The following VIPR1 variants were observed in gnomAD, a reference collection of about 807,000 sequenced individuals.
VIPR1 encodes the protein vasoactive intestinal polypeptide receptor 1.
In VIPR1, 59 loss-of-function variants were observed where a neutral mutation model predicts 58.8. The ratio of observed to expected loss-of-function variants is 1.00; its 90% CI spans 0.81 to 1.25. The LOEUF (loss-of-function observed/expected upper bound fraction) is 1.25, where lower values mean the gene tolerates loss of function less well. Ranked by LOEUF, VIPR1 falls within the 50% of genes most tolerant of loss-of-function variation. The probability of loss-of-function intolerance (pLI) is 0.00; values close to 1 mark genes in which losing one functional copy is unlikely to be tolerated. For synonymous variants in VIPR1, 251 were observed against 242.1 expected (o/e 1.04, Z -0.34); for missense variants, 626 against 602.7 (o/e 1.04, Z -0.40).
chr3:42,511,488 G>C (rs1700361111), intron 1 of VIPR1, among the ~76,000 whole-genome samples: 1 of 152,188 alleles, frequency 6.6e-6, no homozygotes, highest in African/African-American at 2.4e-5. Flanking sequence ...CCATGAACTA[G>C]AGGTAGGGAA....
chr3:42,522,480 C>T (rs750937993), intron 3 of VIPR1, among the ~76,000 whole-genome samples: 38 of 152,272 alleles, frequency 2.5e-4, no homozygotes, highest in Admixed American at 4.6e-4. Context: ...GAAAATTCGA[C>T]ATACAGTCTA....
chr3:42,502,715 G>C lies in VIPR1; in HGVS notation c.-21G>C. The C allele has an allele frequency of 7.8e-7, 1 of 1,287,908 alleles. No individual in the cohort carries two copies. The highest frequency in any genetic ancestry group is 9.8e-7 in the Non-Finnish European group (1 of 1,022,262). The allele number at this position is 1,287,908 out of a possible 1,614,324, so 79.8% of individuals were successfully genotyped here. On this transcript the variant is annotated 5_prime_UTR_variant, in exon 1 of 13. Coordinates refer to ENST00000325123, the MANE Select transcript of VIPR1 (RefSeq NM_004624.4). The stretch of plus-strand genomic sequence containing the variant: ...GCTCTTTGCCCGCGCGGGGCCGCCC[G>C]CCGCGGGCTCAGGGCAGACCATGCG...
chr3:42,531,505 C>T lies in VIPR1; in HGVS notation c.825C>T (p.Ile275=), dbSNP rs748932120. 35 of 1,594,318 alleles carry T rather than the reference C, an allele frequency of 2.2e-5. No homozygotes were observed. In the Admixed American group the frequency reaches 3.7e-4, roughly 17 times the overall value. ...VPSTFTMVWT[I]ARIHFEDYGC... The stretch of plus-strand genomic sequence containing the variant: ...GCACATTCACCATGGTGTGGACCAT[C>T]GCCAGGATCCATTTTGAGGATTATG... The change falls in exon 8 of 13, where the codon ATC becomes ATT. Residue 275 remains isoleucine, a synonymous_variant. Transcript: ENST00000325123.
chr3:42,524,285 A>C (rs1701115437), intron 3 of VIPR1, among the ~76,000 whole-genome samples: 1 of 152,122 alleles, frequency 6.6e-6, no homozygotes, highest in African/African-American at 2.4e-5. Context: ...GGCCAGGCCC[A>C]CCTCTGGCTG....
intron 2 of VIPR1, among the ~76,000 whole-genome samples, chr3:42,515,300 AC>A (rs1443210820): frequency 6.6e-6 from 1 of 152,026 alleles, no homozygotes; most frequent in Non-Finnish European, 1.5e-5. Context: ...GGCTTTGCCT[AC>A]CCTTGTCTCA....
Position 42,502,869 on chromosome 3 carries a change from G to T in VIPR1, c.78+56G>T, listed in dbSNP as rs982697178. 14 of 1,195,718 alleles carry T rather than the reference G, an allele frequency of 1.2e-5. No homozygotes were observed. In the Admixed American group the frequency reaches 2.6e-4, roughly 22 times the overall value. 74.1% of individuals were successfully genotyped at this position (1,195,718 alleles called of 1,614,324 possible). A position where few individuals can be genotyped will look rare whatever the true frequency, so the allele number is the denominator to read the frequency against. On this transcript the variant is annotated intron_variant, in intron 1 of 12. Coordinates refer to ENST00000325123, the MANE Select transcript of VIPR1 (RefSeq NM_004624.4). Reference sequence around the variant, plus strand: ...GGCAGCCTGGGGGTTGCGGAGGGCGGGGGAGGTGGGGGATGGCGGGAGCCG... The same window carrying T: ...GGCAGCCTGGGGGTTGCGGAGGGCGTGGGAGGTGGGGGATGGCGGGAGCCG...
chr3:42,527,345 G>T, intron 4 of VIPR1, 48 bp from the exon 5 acceptor site: 46 of 1,429,304 alleles, frequency 3.2e-5, no homozygotes, highest in Non-Finnish European at 4.0e-5. Flanking sequence ...CCCCCTAGAT[G>T]AGCCTCCCAC....
chr3:42,491,235 A>C (rs529981907), intron 1 of VIPR1, among the ~76,000 whole-genome samples: 1 of 152,370 alleles, frequency 6.6e-6, no homozygotes, highest in East Asian at 1.9e-4. Context: ...AACTGGTAAA[A>C]ATAAATAAAT....
chr3:42,497,684 G>T (rs913152847), upstream of VIPR1, among the ~76,000 whole-genome samples: 2 of 152,106 alleles, frequency 1.3e-5, no homozygotes, highest in African/African-American at 2.4e-5. Flanking sequence ...TTGAATCATG[G>T]GGGCGGTTTC....
At position 42,528,027 on chromosome 3, in the gene VIPR1, C is replaced by T; in HGVS notation, c.540C>T (p.His180=). 1 of 1,614,070 alleles carries T rather than the reference C, an allele frequency of 6.2e-7. No homozygotes were observed. Among genetic ancestry groups the T allele is most frequent in the Non-Finnish European group, 8.5e-7 (1 of 1,179,970 alleles). Residue 180 remains histidine (H), a synonymous_variant, in exon 6 of 13, where the codon CAC becomes CAT. Transcript: ENST00000325123. The part of the protein sequence containing the change: ...LHCTRNYIHM[H]LFISFILRAA... ...GCACGCGGAACTACATCCACATGCA[C>T]CTCTTCATATCCTTCATCCTGAGGG...
intron 6 of VIPR1, chr3:42,530,518 G>C (rs1701481090): frequency 2.3e-6 from 1 of 429,476 alleles, no homozygotes; most frequent in Non-Finnish European, 4.2e-6. Context: ...TGGGCAGATG[G>C]GTAGATATAT....
Position 42,513,848 on chromosome 3 carries a change from A to G in VIPR1, c.178A>G (p.Thr60Ala), listed in dbSNP as rs1700485310. Reference protein sequence around the residue: ...CLEEAQLENETIGCSKMWDNL... With the variant: ...CLEEAQLENEAIGCSKMWDNL... ...GGAGGAGGCCCAGCTGGAGAATGAG[A>G]CAATAGGTGAGGCCCCCATGGGCAG... Residue 60 changes from threonine (T) to alanine (A), a missense_variant, in exon 2 of 13, where the codon ACA (threonine) becomes GCA (alanine). Thr to Ala is a moderately conservative substitution (Grantham distance 58). Coordinates refer to ENST00000325123, the MANE Select transcript of VIPR1 (RefSeq NM_004624.4). 1.3e-6 allele frequency: 2 copies of G among 1,551,456 alleles called. No homozygotes were observed. The highest frequency in any genetic ancestry group is 8.7e-7 in the Non-Finnish European group (1 of 1,146,928).
In VIPR1 at chr3:42,535,401, C is replaced by A; in HGVS notation, c.1182+17C>A. 6.2e-7 allele frequency: 1 copy of A among 1,613,088 alleles called. No homozygotes were observed. The highest frequency in any genetic ancestry group is 1.3e-5 in the African/African-American group (1 of 74,980). ...AATGGTGAGGTAAGCCCCTCCCAGT[C>A]CTTGGGGCTTAGGCAATGGAACTCC... On this transcript the variant is annotated intron_variant, in intron 12 of 12. Coordinates refer to ENST00000325123, the MANE Select transcript of VIPR1 (RefSeq NM_004624.4).
intron 3 of VIPR1, among the ~76,000 whole-genome samples, chr3:42,524,385 C>T (rs910189403): frequency 2.0e-5 from 3 of 152,164 alleles, no homozygotes; most frequent in Admixed American, 6.5e-5. Context: ...GGTTGGGAGC[C>T]CAGGGCAGAA....
At chr3:42,532,845 C>T (rs1403029327) in intron 10 of VIPR1, 1 of 168,464 alleles carries the variant, frequency 5.9e-6, no homozygotes, top group African/African-American at 2.4e-5. Flanking sequence ...GTCATTTCAT[C>T]CACACAGTCC....
upstream of VIPR1, among the ~76,000 whole-genome samples, chr3:42,501,120 A>C (rs763813308): frequency 2.6e-5 from 4 of 152,160 alleles, no homozygotes. This position sits in a 1 kb window ranked among gnomAD's most constrained non-coding sequence, Gnocchi z 4.8. Context: ...AAAAAGAGCA[A>C]GTGCAGGGGA....
At chr3:42,536,004 A>G (rs1701821178) in intron 12 of VIPR1, 86 bp from the exon 13 acceptor site, 1 of 1,401,106 alleles carries the variant, frequency 7.1e-7, no homozygotes, top group South Asian at 1.5e-5. Context: ...AAGACTGGCT[A>G]GTTCAGAACC....
At chr3:42,499,051 C>A (rs1264734835), upstream of VIPR1, among the ~76,000 whole-genome samples, 1 of 152,170 alleles carries the variant, frequency 6.6e-6, no homozygotes, top group Non-Finnish European at 1.5e-5. Flanking sequence ...TGGATAAAGA[C>A]CAAAAGTGTA....
At position 42,502,771 on chromosome 3, in the gene VIPR1, A is replaced by T; in HGVS notation, c.36A>T (p.Leu12=). 1 of 1,296,412 alleles carries T rather than the reference A, an allele frequency of 7.7e-7. No individual in the cohort carries two copies. Among genetic ancestry groups the T allele is most frequent in the Admixed American group, 3.9e-5 (1 of 25,782 alleles). 80.3% of individuals were successfully genotyped at this position (1,296,412 alleles called of 1,614,324 possible). A position where few individuals can be genotyped will look rare whatever the true frequency, so the allele number is the denominator to read the frequency against. ...RPPSPLPARW[L]CVLAGALAWA... ...CAAGTCCGCTGCCCGCCCGCTGGCT[A>T]TGCGTGCTGGCAGGCGCCCTCGCCT... The change falls in exon 1 of 13, where the codon CTA becomes CTT. Residue 12 remains leucine, a synonymous_variant. Coordinates refer to ENST00000325123, the MANE Select transcript of VIPR1 (RefSeq NM_004624.4).
Sources: gnomAD v4.1 joint callset for allele counts (sites outside exome capture counted in the v4.1 genomes callset) on GRCh38, gnomAD v4.1.1 for gene constraint, Gnocchi (gnomAD v3.1) non-coding constraint, MANE v1.5 for transcripts, NCBI Gene and HGNC (gene_info 2026-07-23, HGNC 2026-07-21) for gene names.